The following ZNF736 variants were observed in gnomAD, a reference collection of about 807,000 sequenced individuals.
ZNF736 encodes zinc finger protein 736, also known as KRAB-containing zinc-finger repressor protein.
In ZNF736, 6 loss-of-function variants were observed where a neutral mutation model predicts 11.7. The observed-to-expected ratio is 0.51, with a 90% CI of 0.28 to 1.01. The LOEUF is 1.01. ZNF736 is among the 50% of genes least tolerant of loss of function. The pLI is 0.09. For missense variants in ZNF736, 444 were observed against 496.0 expected (o/e 0.90, Z 1.00); for synonymous variants, 139 against 164.7 (o/e 0.84, Z 1.19).
chr7:64,344,162 T>C (rs1465416431), intron 3 of ZNF736, among the ~76,000 whole-genome samples: 3 of 151,920 alleles, frequency 2.0e-5, no homozygotes, highest in African/African-American at 4.8e-5. Flanking sequence ...ATTAGCCAAG[T>C]GTGGTGGTGC....
At chr7:64,315,698 A>G (rs537077869) in intron 1 of ZNF736, among the ~76,000 whole-genome samples, 27 of 152,210 alleles carry the variant, frequency 1.8e-4, no homozygotes, top group Admixed American at 1.4e-3. Context: ...GCATTTTTCA[A>G]ATGTTTGGCA....
At chr7:64,324,091 A>G (rs1455263605) in intron 1 of ZNF736, among the ~76,000 whole-genome samples, 1 of 152,126 alleles carries the variant, frequency 6.6e-6, no homozygotes, top group Non-Finnish European at 1.5e-5. Flanking sequence ...CCTACCACAT[A>G]TCCATTTTTG....
Position 64,348,085 on chromosome 7 carries a change from TCCAGC to T in ZNF736, c.227-4_227del, listed in dbSNP as rs1426222089. The T allele has an allele frequency of 6.7e-7, 1 of 1,483,810 alleles. No individual in the cohort carries two copies. The allele number at this position is 1,483,810 out of a possible 1,614,324, so 91.9% of individuals were successfully genotyped here. ...ATGAGGGAGAATTTTATTTTTTTTC[TCCAGC>T]TGGTTCTTTTCATTTTACTGCAGAG... is the stretch of plus-strand genomic sequence containing the variant. On this transcript the variant is annotated splice_acceptor_variant and splice_polypyrimidine_tract_variant and coding_sequence_variant and intron_variant, in exon 4 of 4. Coordinates refer to ENST00000423484, the MANE Select transcript of ZNF736 (RefSeq NM_001170905.3). LOFTEE classifies it high-confidence loss of function.
chr7:64,348,974 T>G lies in ZNF736; in HGVS notation c.1111T>G (p.Cys371Gly), dbSNP rs772409222. The G allele has an allele frequency of 1.3e-6, 2 of 1,589,758 alleles. No homozygotes were observed. Among genetic ancestry groups the G allele is most frequent in the Non-Finnish European group, 1.7e-6 (2 of 1,167,332 alleles). The change falls in exon 4 of 4, where the codon TGT (cysteine) becomes GGT (glycine). Residue 371 changes from cysteine (C) to glycine (G), a missense_variant. Cys to Gly is a radical substitution (Grantham distance 159). Transcript: ENST00000423484. ...TCATATGGAAGAGAGACCTTACAAA[T>G]GTGAAGAATGCAGCAAAACCTTTAA... Reference protein sequence around the residue: ...RIHMEERPYKCEECSKTFKCF... With the variant: ...RIHMEERPYKGEECSKTFKCF...
Position 64,336,283 on chromosome 7 carries a change from G to A in ZNF736, c.28G>A (p.Ala10Thr), listed in dbSNP as rs771695676. The A allele has an allele frequency of 6.2e-7, 1 of 1,612,830 alleles. No homozygotes were observed. Among genetic ancestry groups the A allele is most frequent in the South Asian group, 1.1e-5 (1 of 90,958 alleles). The change falls in exon 2 of 4, where the codon GCT (alanine) becomes ACT (threonine). Residue 10 changes from alanine (A) to threonine (T), a missense_variant. Coordinates refer to ENST00000423484, the MANE Select transcript of ZNF736 (RefSeq NM_001170905.3). ...GGGAGTGTTGACATTCAGGGATGTG[G>A]CTGTAGAATTCTCCCCAGAAGAGTG... The part of the protein sequence containing the change: MGVLTFRDV[A>T]VEFSPEEWEC...
intron 3 of ZNF736, among the ~76,000 whole-genome samples, chr7:64,341,865 CAGAT>C (rs1789343135): frequency 6.6e-6 from 1 of 152,100 alleles, no homozygotes; most frequent in East Asian, 1.9e-4. Flanking sequence ...GCCATACACT[CAGAT>C]AGGTATGAAT....
In ZNF736 at chr7:64,349,173, C is replaced by T; in HGVS notation, c.*26C>T. On this transcript the variant is annotated 3_prime_UTR_variant, in exon 4 of 4. Transcript: ENST00000423484. ...AAATGTGGAAAAGCCTTTACCAAGT[C>T]CTCATACTGTGTTCAACATCTGAAA... 1.4e-6 allele frequency: 2 copies of T among 1,464,654 alleles called. No individual in the cohort carries two copies. Among genetic ancestry groups the T allele is most frequent in the South Asian group, 1.4e-5 (1 of 70,906 alleles). The allele number at this position is 1,464,654 out of a possible 1,614,324, so 90.7% of individuals were successfully genotyped here.
chr7:64,346,954 A>G (rs615957), intron 3 of ZNF736, among the ~76,000 whole-genome samples: 138,637 of 151,518 alleles, frequency 0.91, 63,540 homozygotes, highest in Non-Finnish European at 0.94. Context: ...ATTGTCTCAC[A>G]TAATTTTTAC....
Position 64,336,280 on chromosome 7 carries a change from G to A in ZNF736, c.25G>A (p.Val9Met), listed in dbSNP as rs745564344. ...CCAGGGAGTGTTGACATTCAGGGAT[G>A]TGGCTGTAGAATTCTCCCCAGAAGA... Reference protein sequence around the residue: MGVLTFRDVAVEFSPEEWE... With the variant: MGVLTFRDMAVEFSPEEWE... The change falls in exon 2 of 4, where the codon GTG becomes ATG. Residue 9 changes from valine (V) to methionine (M), a missense_variant. Val to Met is a conservative substitution (Grantham distance 21, BLOSUM62 1). Transcript: ENST00000423484. The A allele has an allele frequency of 6.2e-7, 1 of 1,612,656 alleles. No homozygotes were observed. Among genetic ancestry groups the A allele is most frequent in the Non-Finnish European group, 8.5e-7 (1 of 1,179,358 alleles).
At chr7:64,326,666 T>A (rs75863033) in intron 1 of ZNF736, among the ~76,000 whole-genome samples, 6 of 146,700 alleles carry the variant, frequency 4.1e-5, no homozygotes, top group South Asian at 2.2e-4. Flanking sequence ...ATTTTTTTTT[T>A]AACTTTTTTT....
chr7:64,342,811 C>A (rs898941041), intron 3 of ZNF736, among the ~76,000 whole-genome samples: 11 of 152,148 alleles, frequency 7.2e-5, no homozygotes, highest in Non-Finnish European at 1.5e-4. Context: ...CAAAAAGATA[C>A]TAGCATTTTC....
chr7:64,325,167 TA>T (rs35847954), intron 1 of ZNF736, among the ~76,000 whole-genome samples: 85,767 of 148,714 alleles, frequency 0.58, 24,903 homozygotes, highest in Middle Eastern at 0.69. Context: ...AAACCAGTTG[TA>T]AAAAAAAAAA....
chr7:64,336,181 A>C (rs620631), intron 1 of ZNF736, 78 bp from the exon 2 acceptor site: 1,497,995 of 1,518,980 alleles, frequency 0.99, 739,401 homozygotes, highest in Non-Finnish European at 1. Flanking sequence ...AGAACCAGCT[A>C]TCTTTATTCT....
At chr7:64,329,159 C>CT (rs140270861) in intron 1 of ZNF736, among the ~76,000 whole-genome samples, 5,860 of 148,272 alleles carry the variant, frequency 0.04, 203 homozygotes, top group East Asian at 0.17. Context: ...TCTTTTTCTT[C>CT]TTTTTTTTTT....
chr7:64,334,509 A>T (rs1368605374), intron 1 of ZNF736, among the ~76,000 whole-genome samples: 2 of 152,250 alleles, frequency 1.3e-5, no homozygotes, highest in Admixed American at 6.5e-5. Flanking sequence ...TCAAAAGAAG[A>T]TATTTATGCA....
intron 1 of ZNF736, among the ~76,000 whole-genome samples, chr7:64,334,814 C>T (rs796389896): frequency 4.7e-4 from 72 of 152,304 alleles, no homozygotes; most frequent in African/African-American, 1.7e-3. Flanking sequence ...TTAAATCATT[C>T]TACTATAAAG....
intron 3 of ZNF736, chr7:64,337,209 G>GTGTTGTGTA (rs1190511310): frequency 4.2e-5 from 22 of 523,942 alleles, no homozygotes; most frequent in Admixed American, 2.5e-4. Flanking sequence ...TGTGTTGTGT[G>GTGTTGTGTA]TGTGTTTTGT....
rs182807224 is a variant in ZNF736, at chr7:64,348,849, G to A, written c.986G>A (p.Ser329Asn). 6,174 of 1,596,138 alleles carry A rather than the reference G, an allele frequency of 3.9e-3. 24 individuals carry two copies. The highest frequency in any genetic ancestry group is 4.9e-3 in the Non-Finnish European group (5,685 of 1,172,092). ...GKAFKWFSALSKHKRIHTGEK... is the reference protein window; with the variant it reads ...GKAFKWFSALNKHKRIHTGEK... The stretch of plus-strand genomic sequence containing the variant: ...GCTTTTAAGTGGTTCTCGGCCCTTA[G>A]TAAACATAAGAGAATTCATACTGGA... The change falls in exon 4 of 4, where the codon AGT becomes AAT. Residue 329 changes from serine to asparagine, a missense_variant. By Grantham distance (46) the Ser-to-Asn change is conservative. Transcript: ENST00000423484.
At chr7:64,327,402 T>G (rs1266520026) in intron 1 of ZNF736, among the ~76,000 whole-genome samples, 2 of 152,192 alleles carry the variant, frequency 1.3e-5, no homozygotes, top group Non-Finnish European at 2.9e-5. Context: ...AGTCTTTCTG[T>G]GTCTTCATAG....
Sources: allele counts gnomAD v4.1 joint callset (sites outside exome capture counted in the v4.1 genomes callset), GRCh38; gene constraint gnomAD v4.1.1; transcripts MANE v1.5; gene names NCBI Gene and HGNC (gene_info 2026-07-23, HGNC 2026-07-21).